The following RARB variants were observed in gnomAD, a reference collection of about 807,000 sequenced individuals.
The protein encoded by RARB is HBV-activated protein.
Under a neutral mutation model 51.9 loss-of-function variants are expected in RARB, and 17 were observed. The observed-to-expected ratio is 0.33, with a 90% CI of 0.22 to 0.49. The LOEUF is 0.49. RARB is among the 20% of genes least tolerant of loss of function. RARB has a pLI of 0.99. For missense variants in RARB, 369 were observed against 550.8 expected, an observed-to-expected ratio of 0.67 and a Z score of 3.30; for synonymous variants, 215 against 195.4, an observed-to-expected ratio of 1.10 and a Z score of -0.84.
At chr3:24,937,776 T>C (rs556998156) in intron 2 of RARB, among the ~76,000 whole-genome samples, 5 of 152,148 alleles carry the variant, frequency 3.3e-5, no homozygotes, top group East Asian at 1.9e-4. Context: ...CCCACAGATA[T>C]TGTTTGGCAT....
intron 4 of RARB, among the ~76,000 whole-genome samples, chr3:25,574,897 G>A (rs934540874): frequency 6.6e-6 from 1 of 152,112 alleles, no homozygotes; most frequent in Non-Finnish European, 1.5e-5. Flanking sequence ...CATCAGGAGG[G>A]ATAGAAGGTC....
chr3:25,211,807 G>A (rs796192751), intron 5 of RARB, among the ~76,000 whole-genome samples: 5 of 152,114 alleles, frequency 3.3e-5, no homozygotes, highest in Non-Finnish European at 5.9e-5. Flanking sequence ...TATAAAATAG[G>A]TGATGGGCCA....
intron 5 of RARB, among the ~76,000 whole-genome samples, chr3:25,247,019 C>T (rs578165563): frequency 6.6e-6 from 1 of 152,182 alleles, no homozygotes; most frequent in Non-Finnish European, 1.5e-5. Flanking sequence ...GATGCCCTGC[C>T]CAGAGAGGAG....
At chr3:25,332,100 A>G (rs1394002142) in intron 5 of RARB, among the ~76,000 whole-genome samples, 2 of 152,210 alleles carry the variant, frequency 1.3e-5, no homozygotes, top group Non-Finnish European at 2.9e-5. Context: ...AGAGGTACAA[A>G]GACGAGCTGG....
chr3:25,474,965 T>C lies in RARB; in HGVS notation c.306+13624T>C, dbSNP rs147152190. Among the ~76,000 whole-genome samples the C allele has an allele frequency of 6.5e-3, 986 of 152,324 alleles. 17 individuals are homozygous for C. The highest frequency in any genetic ancestry group is 0.022 in the African/African-American group (932 of 41,582). ...TACAGATATCATTTTTTTCTCTAAG[T>C]ATTTGTGACAGGTAAGATCTGTGCA... On this transcript the variant is annotated intron_variant, in intron 2 of 7. Coordinates refer to ENST00000330688, the MANE Select transcript of RARB (RefSeq NM_000965.5).
chr3:25,343,024 TTGTGTGTGTGTGTGTGTGTGTGTGTGTG>T lies in RARB; in HGVS notation c.179-118147_179-118120del, dbSNP rs6147737. 2.3e-4 allele frequency among the ~76,000 whole-genome samples: 31 copies of T among 132,156 alleles called. 1 individual carries two copies. In the South Asian group the frequency reaches 6.5e-3, roughly 28 times the overall value. The allele number at this position is 132,156 out of a possible 152,430, so 86.7% of individuals were successfully genotyped here. A position where few individuals can be genotyped will look rare whatever the true frequency, so the allele number is the denominator to read the frequency against. On this transcript the variant is annotated intron_variant, in intron 5 of 11. Transcript: ENST00000383772. ...TTCCTGTTTACATTTTGCAAGTACT[TTGTGTGTGTGTGTGTGTGTGTGTGTGTG>T]TGTGTGTGTGTGTGTGTGTGTAATG...
At chr3:25,031,220 G>C (rs537663762) in intron 2 of RARB, among the ~76,000 whole-genome samples, 2 of 152,224 alleles carry the variant, frequency 1.3e-5, no homozygotes, top group East Asian at 3.9e-4. Flanking sequence ...TGGGACAAAA[G>C]TGCTTCCCCT....
chr3:24,901,565 T>C (rs531295256), intron 2 of RARB, among the ~76,000 whole-genome samples: 3 of 152,344 alleles, frequency 2.0e-5, no homozygotes, highest in South Asian at 2.1e-4. Flanking sequence ...AATAAAAATG[T>C]AACTATATCA....
intron 1 of RARB, among the ~76,000 whole-genome samples, chr3:24,836,697 T>C (rs1368700503): frequency 6.6e-6 from 1 of 152,102 alleles, no homozygotes; most frequent in Non-Finnish European, 1.5e-5. Flanking sequence ...GAGTAAATGA[T>C]TCTTGAGCGA....
chr3:25,402,876 T>A (rs73055798), intron 5 of RARB, among the ~76,000 whole-genome samples: 41,407 of 151,632 alleles, frequency 0.27, 6,080 homozygotes, highest in Admixed American at 0.38. Context: ...CTAGAAAGAA[T>A]GAATAAAGCC....
At chr3:25,550,635 G>A (rs575625483) in intron 3 of RARB, among the ~76,000 whole-genome samples, 1 of 152,154 alleles carries the variant, frequency 6.6e-6, no homozygotes, top group South Asian at 2.1e-4. Context: ...TTCATTTTAA[G>A]TTCTGGGATA....
intron 3 of RARB, among the ~76,000 whole-genome samples, chr3:25,121,442 A>T (rs1699781623): frequency 6.6e-6 from 1 of 152,196 alleles, no homozygotes. Context: ...AATGTAACAC[A>T]GTTAATTGAT....
At chr3:25,148,150 A>G (rs901661216) in intron 4 of RARB, among the ~76,000 whole-genome samples, 1 of 152,230 alleles carries the variant, frequency 6.6e-6, no homozygotes, top group African/African-American at 2.4e-5. Context: ...ACTTTTGTTT[A>G]TTACAGAAGT....
chr3:25,064,342 TTATGCTGA>T (rs780407106), intron 3 of RARB, among the ~76,000 whole-genome samples: 6 of 152,172 alleles, frequency 3.9e-5, no homozygotes, highest in Admixed American at 6.6e-5. Context: ...TATTTTATTC[TTATGCTGA>T]TTTATCCCCA....
At chr3:25,418,635 A>G (rs574937381) in intron 5 of RARB, among the ~76,000 whole-genome samples, 2 of 152,276 alleles carry the variant, frequency 1.3e-5, no homozygotes, top group East Asian at 3.9e-4. Flanking sequence ...GACACTTGTT[A>G]AAGGTGGTAA....
intron 3 of RARB, among the ~76,000 whole-genome samples, chr3:25,517,595 A>G (rs1412108591): frequency 1.3e-5 from 2 of 152,206 alleles, no homozygotes; most frequent in Non-Finnish European, 2.9e-5. Context: ...CAGTTCCTCA[A>G]GAACTTAAAC....
At chr3:24,832,092 G>A (rs74466590) in intron 1 of RARB, among the ~76,000 whole-genome samples, 2 of 152,094 alleles carry the variant, frequency 1.3e-5, no homozygotes, top group Admixed American at 6.5e-5. Flanking sequence ...AGGGACATTT[G>A]TGAAAACTTC....
chr3:24,993,726 A>C (rs1223608164), intron 2 of RARB, among the ~76,000 whole-genome samples: 1 of 151,960 alleles, frequency 6.6e-6, no homozygotes, highest in Non-Finnish European at 1.5e-5. Flanking sequence ...TGGTATCAAA[A>C]TTTTTTAGCT....
intron 5 of RARB, among the ~76,000 whole-genome samples, chr3:25,401,865 C>T (rs1211198916): frequency 6.6e-6 from 1 of 152,136 alleles, no homozygotes; most frequent in African/African-American, 2.4e-5. Flanking sequence ...CAACCTCTGC[C>T]TCCCGGGTTC....
Sources: allele counts gnomAD v4.1 joint callset (sites outside exome capture counted in the v4.1 genomes callset), GRCh38; gene constraint gnomAD v4.1.1; transcripts MANE v1.5; gene names NCBI Gene and HGNC (gene_info 2026-07-23, HGNC 2026-07-21).